MCRS1: variants seen among roughly 807,000 people sequenced by gnomAD.
MCRS1 encodes microspherule protein 1, also known as 58 kDa microspherule protein.
A neutral mutation model predicts 62.9 loss-of-function variants in MCRS1; 22 were observed. The observed-to-expected ratio is 0.35, with a 90% CI of 0.25 to 0.50. MCRS1 has a LOEUF of 0.50. Ranked by LOEUF, MCRS1 falls within the 20% of genes least tolerant of loss-of-function variation. MCRS1 has a pLI of 0.98. For synonymous variants in MCRS1, 244 were observed against 233.5 expected (o/e 1.04, Z -0.41); for missense variants, 456 against 601.1 (o/e 0.76, Z 2.52).
In MCRS1 at chr12:49,558,696, G is replaced by A; in HGVS notation, c.1336C>T (p.Gln446Ter). The A allele has an allele frequency of 2.5e-6, 4 of 1,613,966 alleles. No homozygotes were observed. Among genetic ancestry groups the A allele is most frequent in the Non-Finnish European group, 3.4e-6 (4 of 1,180,048 alleles). The change falls in exon 15 of 15, where the codon CAG (glutamine) becomes TAG (stop). Residue 446 changes from glutamine to a stop codon, truncating the protein, a stop_gained. Coordinates refer to ENST00000343810, the MANE Select transcript of MCRS1 (RefSeq NM_006337.5). LOFTEE classifies it high-confidence loss of function. ...ASLRFVFLINQDLIALIRAEA... is the reference protein window; with the variant it reads ...ASLRFVFLIN ...GCCCTGATGAGGGCAATGAGGTCCTGGTTGATAAGGAAGACGAATCGCAGG... is the reference window on the plus strand; with the variant it reads ...GCCCTGATGAGGGCAATGAGGTCCTAGTTGATAAGGAAGACGAATCGCAGG...
chr12:49,563,591 C>A, intron 6 of MCRS1, 45 bp from the exon 7 acceptor site: 1 of 1,453,004 alleles, frequency 6.9e-7, no homozygotes, highest in South Asian at 1.2e-5. Flanking sequence ...GGAAAGGTGT[C>A]AAGCAATCTG....
intron 4 of MCRS1, 41 bp downstream of exon 4, chr12:49,565,488 C>G: frequency 6.5e-7 from 1 of 1,547,106 alleles, no homozygotes; most frequent in Non-Finnish European, 8.7e-7. Context: ...AACATGAAAT[C>G]TGGCACTACC....
Position 49,559,861 on chromosome 12 carries a change from C to A in MCRS1, c.911-40G>T, listed in dbSNP as rs1469852288. 2.5e-6 allele frequency: 4 copies of A among 1,613,518 alleles called. No individual in the cohort carries two copies. The highest frequency in any genetic ancestry group is 3.4e-6 in the Non-Finnish European group (4 of 1,179,540). ...GGTGGTAAGGAGGGATGCTCTGAGG[C>A]CACCAGCACCTTGTACTGGTCCTCT... On this transcript the variant is annotated intron_variant, in intron 10 of 14. Transcript: ENST00000343810. The surrounding 1 kb of genome is among the most constrained non-coding windows in gnomAD (Gnocchi z 5.2).
At position 49,566,223 on chromosome 12, in the gene MCRS1, G is replaced by A. The variant is rs776510442; in HGVS notation, c.11-8C>T. On this transcript the variant is annotated splice_region_variant and splice_polypyrimidine_tract_variant and intron_variant, in intron 2 of 14. Coordinates refer to ENST00000343810, the MANE Select transcript of MCRS1 (RefSeq NM_006337.5). ...CTAGCAGCCCCTGAGAATCTAGCAA[G>A]AGAGAAATGGTGGATTCGGGCCTCC... 13 of 1,610,516 alleles carry A rather than the reference G, an allele frequency of 8.1e-6. No individual in the cohort carries two copies. In the South Asian group the frequency reaches 1.2e-4, roughly 15 times the overall value.
intron 8 of MCRS1, among the ~76,000 whole-genome samples, chr12:49,561,014 A>G (rs1174378132): frequency 6.6e-6 from 1 of 152,164 alleles, no homozygotes; most frequent in Non-Finnish European, 1.5e-5. Flanking sequence ...AGCCCATCAG[A>G]TATGCTCAGG....
chr12:49,559,770 T>A lies in MCRS1; in HGVS notation c.962A>T (p.Gln321Leu). The A allele has an allele frequency of 6.2e-7, 1 of 1,614,244 alleles. No individual in the cohort carries two copies. Among genetic ancestry groups the A allele is most frequent in the Non-Finnish European group, 8.5e-7 (1 of 1,180,036 alleles). The change falls in exon 11 of 15, where the codon CAG (glutamine) becomes CTG (leucine). Residue 321 changes from glutamine (Q) to leucine (L), a missense_variant. Gln to Leu is a moderately radical substitution (Grantham distance 113, BLOSUM62 -2). Around this residue, in one of 3 missense-constraint regions of MCRS1, gnomAD observed 393 missense variants for 523.5 expected, o/e 0.75. Transcript: ENST00000343810. This position sits in a 1 kb window ranked among gnomAD's most constrained non-coding sequence, Gnocchi z 5.2. ...RQKREIRQLE[Q>L]ELHKWQVLVD... ...TAGCACCTGCCACTTATGCAGTTCC[T>A]GTTCCAGCTGCCGAATCTCTCGCTT...
chr12:49,561,394 C>A (rs759159530), intron 8 of MCRS1, among the ~76,000 whole-genome samples: 1 of 152,136 alleles, frequency 6.6e-6, no homozygotes, highest in African/African-American at 2.4e-5. Context: ...GGAAGCAGGG[C>A]AGTCACTCCA....
chr12:49,564,181 G>C (rs1241309877), intron 6 of MCRS1, among the ~76,000 whole-genome samples: 1 of 152,194 alleles, frequency 6.6e-6, no homozygotes, highest in Non-Finnish European at 1.5e-5. Flanking sequence ...AACACACACA[G>C]TGCACTCCGG....
intron 4 of MCRS1, 108 bp downstream of exon 4, chr12:49,565,421 G>C (rs780947135): frequency 1.3e-6 from 2 of 1,514,584 alleles, no homozygotes; most frequent in Non-Finnish European, 1.8e-6. Context: ...GGGGCAGCTT[G>C]GTCCTCTCAC....
At position 49,560,349 on chromosome 12, in the gene MCRS1, T is replaced by C; in HGVS notation, c.827A>G (p.Asp276Gly). The C allele has an allele frequency of 6.2e-7, 1 of 1,614,194 alleles. No individual in the cohort carries two copies. The highest frequency in any genetic ancestry group is 8.5e-7 in the Non-Finnish European group (1 of 1,180,024). ...DQTVQPLPKG[D>G]QVLNFSDAED... ...TGCATCAGAGAAGTTCAGCACTTGG[T>C]CCCCTTTGGGCAGCGGCTGCACTGA... Residue 276 changes from aspartate to glycine, a missense_variant, in exon 9 of 15, where the codon GAC becomes GGC. Physicochemically the swap from Asp to Gly is moderately conservative, Grantham distance 94. Transcript: ENST00000343810.
chr12:49,560,485 C>T, intron 8 of MCRS1, 115 bp from the exon 9 acceptor site: 2 of 901,904 alleles, frequency 2.2e-6, no homozygotes, highest in Non-Finnish European at 3.7e-6. Flanking sequence ...GAGCCCAGCA[C>T]CAGCAAGGGT....
At chr12:49,560,478 C>T (rs1236154395) in intron 8 of MCRS1, 108 bp from the exon 9 acceptor site, 1 of 983,232 alleles carries the variant, frequency 1.0e-6, no homozygotes, top group Non-Finnish European at 1.6e-6. Context: ...GGGTGGAGAG[C>T]CCAGCACCAG....
At position 49,564,588 on chromosome 12, in the gene MCRS1, G is replaced by C. The variant is rs1482467187; in HGVS notation, c.450C>G (p.Thr150=). ...CCAGGTGGACGGAGGTCAGGTCGTT[G>C]GTCTGCAAGGCCCCAGAAGGATTTG... ...DLLLINAVLQ[T]NDLTSVHLGV... is the part of the protein sequence containing the mutation. Residue 150 remains threonine (T), a splice_region_variant and synonymous_variant, in exon 6 of 15, where the codon ACC becomes ACG. Coordinates refer to ENST00000343810, the MANE Select transcript of MCRS1 (RefSeq NM_006337.5). The C allele has an allele frequency of 1.9e-6, 3 of 1,609,032 alleles. No homozygotes were observed. The highest frequency in any genetic ancestry group is 3.4e-5 in the Admixed American group (2 of 59,140).
At chr12:49,564,238 C>T (rs1046479287) in intron 6 of MCRS1, among the ~76,000 whole-genome samples, 4 of 151,970 alleles carry the variant, frequency 2.6e-5, no homozygotes, top group South Asian at 4.1e-4. Context: ...ACACACAGTG[C>T]ACTCCGGGCA....
chr12:49,559,198 AG>A lies in MCRS1; in HGVS notation c.1174+15del. The A allele has an allele frequency of 6.2e-7, 1 of 1,611,496 alleles. No homozygotes were observed. Among genetic ancestry groups the A allele is most frequent in the Non-Finnish European group, 8.5e-7 (1 of 1,178,142 alleles). On this transcript the variant is annotated intron_variant, in intron 13 of 14. Transcript: ENST00000343810. The surrounding 1 kb of genome is among the most constrained non-coding windows in gnomAD (Gnocchi z 5.2). ...ACCTCACACTGCTTCCTGCTGGGGC[AG>A]GGGGTGGGGGATACCTTGTTTCCGG...
Position 49,559,128 on chromosome 12 carries a change from A to G in MCRS1, c.1174+86T>C. 1 of 1,539,618 alleles carries G rather than the reference A, an allele frequency of 6.5e-7. No individual in the cohort carries two copies. Among genetic ancestry groups the G allele is most frequent in the African/African-American group, 1.4e-5 (1 of 73,590 alleles). The stretch of plus-strand genomic sequence containing the variant: ...GTGGTCCACGAGGGTCCCCATGGAC[A>G]CCAAGCCCAGGGCTAGAAAGGACAG... On this transcript the variant is annotated intron_variant, in intron 13 of 14. Coordinates refer to ENST00000343810, the MANE Select transcript of MCRS1 (RefSeq NM_006337.5). The surrounding 1 kb of genome is among the most constrained non-coding windows in gnomAD (Gnocchi z 5.2).
At chr12:49,561,774 G>A (rs771493831) in intron 8 of MCRS1, among the ~76,000 whole-genome samples, 4 of 152,124 alleles carry the variant, frequency 2.6e-5, no homozygotes, top group Non-Finnish European at 4.4e-5. Flanking sequence ...GATTACAGGC[G>A]TGTGCCACCA....
Position 49,559,491 on chromosome 12 carries a change from G to A in MCRS1, c.1048C>T (p.Arg350Trp). 1.2e-6 allele frequency: 2 copies of A among 1,612,850 alleles called. No individual in the cohort carries two copies. Among genetic ancestry groups the A allele is most frequent in the South Asian group, 1.1e-5 (1 of 91,090 alleles). The stretch of plus-strand genomic sequence containing the variant: ...ATCAGGTACCGCACCATGCGGCCCC[G>A]CAGCACTGCCAGTGTCTGGTTGTCG... ...DFDNQTLAVL[R>W]GRMVRYLMRS... Residue 350 changes from arginine to tryptophan, a missense_variant, in exon 12 of 15, where the codon CGG becomes TGG. Physicochemically the swap from Arg to Trp is moderately radical, Grantham distance 101. This residue lies in a region of MCRS1 where 393 missense variants were observed against 523.5 expected (regional missense o/e 0.75). Coordinates refer to ENST00000343810, the MANE Select transcript of MCRS1 (RefSeq NM_006337.5). This position sits in a 1 kb window ranked among gnomAD's most constrained non-coding sequence, Gnocchi z 5.2.
intron 8 of MCRS1, among the ~76,000 whole-genome samples, chr12:49,560,785 C>A (rs930902492): frequency 6.6e-6 from 1 of 152,090 alleles, no homozygotes; most frequent in Non-Finnish European, 1.5e-5. Context: ...AAATCTCAAC[C>A]TCTCCTTCCA....
Sources: gnomAD v4.1 joint callset for allele counts (sites outside exome capture counted in the v4.1 genomes callset) on GRCh38, gnomAD v4.1.1 for gene constraint, gnomAD v4.1.1 regional missense constraint, Gnocchi (gnomAD v3.1) non-coding constraint, MANE v1.5 for transcripts, NCBI Gene and HGNC (gene_info 2026-07-23, HGNC 2026-07-21) for gene names.